The following PLEKHH1 variants were observed in gnomAD, a reference collection of about 807,000 sequenced individuals.
PLEKHH1 encodes pleckstrin homology domain-containing family H member 1.
In PLEKHH1, 104 loss-of-function variants were observed where a neutral mutation model predicts 160.0. The ratio of observed to expected loss-of-function variants is 0.65; its 90% CI spans 0.55 to 0.76. The LOEUF (loss-of-function observed/expected upper bound fraction) is 0.76. PLEKHH1 is among the 30% of genes least tolerant of loss of function. The probability of loss-of-function intolerance (pLI) is 0.00; values close to 1 mark genes in which losing one functional copy is unlikely to be tolerated. For missense variants in PLEKHH1, 1,427 were observed against 1,724.1 expected (o/e 0.83, Z 3.05); for synonymous variants, 619 against 678.4 (o/e 0.91, Z 1.36).
rs2035490787 is a variant in PLEKHH1 at position 67,573,697 on chromosome 14, A to G, written c.1840-104A>G. ...TAACACAGCCAGAATGCTGGGAATC[A>G]TGTTTCCCTTTGCTTATGACGTGGA... is the stretch of plus-strand genomic sequence containing the variant. On this transcript the variant is annotated intron_variant, in intron 12 of 28. Transcript: ENST00000329153. The surrounding 1 kb of genome is among the most constrained non-coding windows in gnomAD (Gnocchi z 4.8). 5.0e-6 allele frequency: 4 copies of G among 803,766 alleles called. No homozygotes were observed. Among genetic ancestry groups the G allele is most frequent in the East Asian group, 4.9e-5 (2 of 40,538 alleles). The allele number at this position is 803,766 out of a possible 1,614,324, so 49.8% of individuals were successfully genotyped here. A position where few individuals can be genotyped will look rare whatever the true frequency, so the allele number is the denominator to read the frequency against.
At chr14:67,565,294 A>G (rs2035035307) in intron 7 of PLEKHH1, among the ~76,000 whole-genome samples, 1 of 152,032 alleles carries the variant, frequency 6.6e-6, no homozygotes, top group Non-Finnish European at 1.5e-5. Flanking sequence ...CTCAGGCTGG[A>G]GTGCAGTGGC....
intron 1 of PLEKHH1, among the ~76,000 whole-genome samples, chr14:67,535,679 C>G (rs1329855181): frequency 6.6e-6 from 1 of 152,008 alleles, no homozygotes; most frequent in Non-Finnish European, 1.5e-5. Context: ...CGTGCCCAGC[C>G]TCGTGAGCAC....
At chr14:67,552,773 A>AC (rs964554867) in intron 2 of PLEKHH1, among the ~76,000 whole-genome samples, 8 of 151,408 alleles carry the variant, frequency 5.3e-5, no homozygotes, top group African/African-American at 1.5e-4. Context: ...TCTCAAAAAA[A>AC]AAAAACAAAA....
rs1272739355 is a variant in PLEKHH1 at position 67,555,877 on chromosome 14, C to T, written c.179C>T (p.Ala60Val). 2 of 1,613,622 alleles carry T rather than the reference C, an allele frequency of 1.2e-6. No individual in the cohort carries two copies. Among genetic ancestry groups the T allele is most frequent in the South Asian group, 2.2e-5 (2 of 90,992 alleles). The change falls in exon 3 of 29, where the codon GCT becomes GTT. Residue 60 changes from alanine (A) to valine (V), a missense_variant. By Grantham distance (64) the Ala-to-Val change is moderately conservative (BLOSUM62 0). Transcript: ENST00000329153. Reference sequence around the variant, plus strand: ...GAGGCAGAGCAGAGAGCAGAGAACGCTGAGACCCAGGTAACCAGGGGAGGG... The same window carrying T: ...GAGGCAGAGCAGAGAGCAGAGAACGTTGAGACCCAGGTAACCAGGGGAGGG... Reference protein sequence around the residue: ...LLEAEQRAENAETQVGVMEEK... With the variant: ...LLEAEQRAENVETQVGVMEEK...
chr14:67,585,611 C>T lies in PLEKHH1; in HGVS notation c.3743C>T (p.Ala1248Val). 1.3e-6 allele frequency: 2 copies of T among 1,584,834 alleles called. No homozygotes were observed. Among genetic ancestry groups the T allele is most frequent in the Non-Finnish European group, 1.7e-6 (2 of 1,164,454 alleles). Residue 1248 changes from alanine (A) to valine (V), a missense_variant, in exon 27 of 29, where the codon GCT becomes GTT. Ala to Val is a moderately conservative substitution (Grantham distance 64). Coordinates refer to ENST00000329153, the MANE Select transcript of PLEKHH1 (RefSeq NM_020715.3). ...AAGGAGAACGCTCTGGTGTGGATTG[C>T]TGTGAATGAGGATGGCGTCAGCATC... ...SSKENALVWI[A>V]VNEDGVSILD...
intron 25 of PLEKHH1, 25 bp downstream of exon 25, chr14:67,583,908 G>A: frequency 4.3e-6 from 7 of 1,612,310 alleles, no homozygotes; most frequent in Non-Finnish European, 5.9e-6. Context: ...AGGTCTTGCA[G>A]CAAGTCACTG....
At chr14:67,562,079 T>G in intron 6 of PLEKHH1, 44 bp downstream of exon 6, 1 of 1,606,348 alleles carries the variant, frequency 6.2e-7, no homozygotes, top group Non-Finnish European at 8.5e-7. Context: ...GTGTGTTTGG[T>G]GGGTATGGGG....
Position 67,578,302 on chromosome 14 carries a change from C to A in PLEKHH1, c.2751+103C>A. On this transcript the variant is annotated intron_variant, in intron 19 of 28. Transcript: ENST00000329153. The surrounding 1 kb of genome is among the most constrained non-coding windows in gnomAD (Gnocchi z 5.0). ...CTGGGCAGGTATACGGTGAGCCCAG[C>A]CAGCGGGCAGCCTCTGTGCTCCAAG... is the stretch of plus-strand genomic sequence containing the variant. 2 of 1,026,300 alleles carry A rather than the reference C, an allele frequency of 1.9e-6. No homozygotes were observed. The highest frequency in any genetic ancestry group is 2.9e-6 in the Non-Finnish European group (2 of 679,316). 63.6% of individuals were successfully genotyped at this position (1,026,300 alleles called of 1,614,324 possible).
intron 22 of PLEKHH1, 63 bp from the exon 23 acceptor site, chr14:67,580,875 G>A: frequency 9.4e-7 from 1 of 1,066,728 alleles, no homozygotes; most frequent in Non-Finnish European, 1.5e-6. Context: ...AGCCCTGGCT[G>A]GACCTTGATC....
At chr14:67,570,389 A>G in intron 9 of PLEKHH1, 1 of 533,626 alleles carries the variant, frequency 1.9e-6, no homozygotes, top group Non-Finnish European at 2.4e-6. Flanking sequence ...AAAAACAAAA[A>G]TCAGATAGAA....
chr14:67,570,056 GC>G, intron 9 of PLEKHH1, 44 bp downstream of exon 9: 3 of 1,294,012 alleles, frequency 2.3e-6, no homozygotes, highest in Non-Finnish European at 3.3e-6. Context: ...ATCAGGAAAG[GC>G]CCCTGGCCTC....
intron 23 of PLEKHH1, 42 bp downstream of exon 23, chr14:67,581,080 G>C: frequency 8.1e-7 from 1 of 1,229,060 alleles, no homozygotes; most frequent in Non-Finnish European, 1.2e-6. Flanking sequence ...CACAAGGGCT[G>C]CCACTGGGTG....
chr14:67,580,261 AC>A, intron 22 of PLEKHH1: 1 of 188,662 alleles, frequency 5.3e-6, no homozygotes, highest in South Asian at 1.3e-4. Flanking sequence ...CCAGCACCTC[AC>A]TTTTACCCTT....
At position 67,562,429 on chromosome 14, in the gene PLEKHH1, C is replaced by A; in HGVS notation, c.798C>A (p.His266Gln). The A allele has an allele frequency of 6.2e-7, 1 of 1,613,918 alleles. No individual in the cohort carries two copies. The highest frequency in any genetic ancestry group is 8.5e-7 in the Non-Finnish European group (1 of 1,179,772). Residue 266 changes from histidine to glutamine, a missense_variant, in exon 7 of 29, where the codon CAC (histidine) becomes CAA (glutamine). Around this residue, in one of 6 missense-constraint regions of PLEKHH1, gnomAD observed 831 missense variants for 929.2 expected, o/e 0.89. Transcript: ENST00000329153. ...QPHLGRESPP[H>Q]QPCMKLLTFR... ...ATCTGGGAAGAGAGAGCCCTCCCCA[C>A]CAGCCATGCATGAAGCTTCTTACCT... is the stretch of plus-strand genomic sequence containing the variant.
chr14:67,552,745 C>A (rs377483716), intron 2 of PLEKHH1, among the ~76,000 whole-genome samples: 1 of 146,708 alleles, frequency 6.8e-6, no homozygotes, highest in Admixed American at 6.9e-5. Flanking sequence ...CCAGCCTGGG[C>A]GACAGAGCAA....
rs2140483513 is a variant in PLEKHH1, at chr14:67,574,202, C to T, written c.1927-40C>T. 1 of 1,530,330 alleles carries T rather than the reference C, an allele frequency of 6.5e-7. No homozygotes were observed. Among genetic ancestry groups the T allele is most frequent in the Non-Finnish European group, 8.8e-7 (1 of 1,135,962 alleles). The allele number at this position is 1,530,330 out of a possible 1,614,324, so 94.8% of individuals were successfully genotyped here. A position where few individuals can be genotyped will look rare whatever the true frequency, so the allele number is the denominator to read the frequency against. On this transcript the variant is annotated intron_variant, in intron 13 of 28. Coordinates refer to ENST00000329153, the MANE Select transcript of PLEKHH1 (RefSeq NM_020715.3). This position sits in a 1 kb window ranked among gnomAD's most constrained non-coding sequence, Gnocchi z 4.2. ...AGCCAGGTCCTGGTTACTCCATTCT[C>T]CCAGCGTGCTGCCCCACCCCCATAT...
intron 5 of PLEKHH1, among the ~76,000 whole-genome samples, chr14:67,561,587 G>A (rs796601954): frequency 5.3e-5 from 8 of 152,212 alleles, no homozygotes; most frequent in African/African-American, 1.7e-4. Flanking sequence ...ATATGCAGCA[G>A]CCACGCTCAG....
intron 2 of PLEKHH1, 92 bp downstream of exon 2, chr14:67,542,085 A>C: frequency 8.3e-7 from 1 of 1,208,018 alleles, no homozygotes; most frequent in Non-Finnish European, 1.1e-6. Flanking sequence ...CGGAAAGTCA[A>C]CTTTCAGTAA....
intron 1 of PLEKHH1, among the ~76,000 whole-genome samples, chr14:67,538,986 A>G (rs552283808): frequency 2.6e-5 from 4 of 152,326 alleles, no homozygotes; most frequent in African/African-American, 9.6e-5. Context: ...TTTGACAATC[A>G]GTAAGAGGGA....
Sources: allele counts gnomAD v4.1 joint callset (sites outside exome capture counted in the v4.1 genomes callset), GRCh38; gene constraint gnomAD v4.1.1; regional missense constraint gnomAD v4.1.1; non-coding constraint Gnocchi (gnomAD v3.1); transcripts MANE v1.5; gene names NCBI Gene and HGNC (gene_info 2026-07-23, HGNC 2026-07-21).